GLT1D1: variants seen among roughly 807,000 people sequenced by gnomAD.
GLT1D1 encodes the protein glycosyltransferase 1 domain-containing protein 1.
In GLT1D1, 21 loss-of-function variants were observed where a neutral mutation model predicts 28.7. The observed-to-expected ratio is 0.73, with a 90% CI of 0.52 to 1.05. GLT1D1 has a LOEUF of 1.05. Among genes scored for constraint, GLT1D1 ranks in the 50% least tolerant of loss-of-function variants. The pLI is 0.00. For missense variants in GLT1D1, 343 were observed against 330.6 expected (o/e 1.04, Z -0.29); for synonymous variants, 147 against 124.8 (o/e 1.18, Z -1.19).
At chr12:128,906,955 G>A in intron 4 of GLT1D1, 1 of 702,570 alleles carries the variant, frequency 1.4e-6, no homozygotes, top group Non-Finnish European at 2.6e-6. Context: ...TCCTGTACAG[G>A]TGAGCTCCAC....
intron 4 of GLT1D1, among the ~76,000 whole-genome samples, chr12:128,921,036 G>A (rs1872614686): frequency 6.6e-6 from 1 of 152,158 alleles, no homozygotes; most frequent in South Asian, 2.1e-4. Context: ...AGCCCGAAGT[G>A]TAATTCATCA....
At chr12:128,942,566 G>T (rs1875411385) in intron 4 of GLT1D1, among the ~76,000 whole-genome samples, 1 of 151,836 alleles carries the variant, frequency 6.6e-6, no homozygotes, top group Non-Finnish European at 1.5e-5. Context: ...TTGTACGAGG[G>T]CTTGTTTCAT....
At chr12:128,973,608 G>A (rs1018266445) in intron 7 of GLT1D1, among the ~76,000 whole-genome samples, 23 of 151,838 alleles carry the variant, frequency 1.5e-4, no homozygotes, top group African/African-American at 3.4e-4. Context: ...CCGCCAAGCC[G>A]TCACACAAGC....
intron 2 of GLT1D1, among the ~76,000 whole-genome samples, chr12:128,888,089 T>C (rs1354423734): frequency 6.6e-6 from 1 of 152,234 alleles, no homozygotes; most frequent in African/African-American, 2.4e-5. Context: ...TTTCCCACTT[T>C]ATGCGCTCAG....
intron 4 of GLT1D1, among the ~76,000 whole-genome samples, chr12:128,942,019 T>TGG (rs1875346252): frequency 6.6e-6 from 1 of 151,622 alleles, no homozygotes; most frequent in Admixed American, 6.6e-5. Flanking sequence ...AGTCTGGCTC[T>TGG]GCTGCCATTT....
chr12:128,914,928 C>T lies in GLT1D1; in HGVS notation c.375+15641C>T, dbSNP rs1349881033. On this transcript the variant is annotated intron_variant, in intron 4 of 7. Transcript: ENST00000281703. ...ACTTGCCCTTTTTTTGTTTCTTTGA[C>T]CCAGGAATTGCAACAACACCAAACG... 2 of 1,535,576 alleles carry T rather than the reference C, an allele frequency of 1.3e-6. No individual in the cohort carries two copies. The highest frequency in any genetic ancestry group is 1.4e-5 in the African/African-American group (1 of 73,012).
At chr12:128,908,552 A>C (rs1434102104) in intron 4 of GLT1D1, among the ~76,000 whole-genome samples, 1 of 108,630 alleles carries the variant, frequency 9.2e-6, no homozygotes. Context: ...TTTTTTTTTT[A>C]ATTGTTCTCC....
At chr12:128,871,079 C>T (rs999628469) in intron 1 of GLT1D1, among the ~76,000 whole-genome samples, 4 of 152,124 alleles carry the variant, frequency 2.6e-5, no homozygotes, top group South Asian at 4.2e-4. Context: ...TCTGCTGTAT[C>T]GATTCTGCAT....
At chr12:128,924,007 C>A (rs533884295) in intron 4 of GLT1D1, among the ~76,000 whole-genome samples, 1 of 152,076 alleles carries the variant, frequency 6.6e-6, no homozygotes, top group South Asian at 2.1e-4. Flanking sequence ...TTTGGCCCTG[C>A]GAGGGCTGCT....
intron 4 of GLT1D1, among the ~76,000 whole-genome samples, chr12:128,932,495 T>A (rs1006836810): frequency 6.6e-6 from 1 of 152,186 alleles, no homozygotes; most frequent in Non-Finnish European, 1.5e-5. Context: ...GTTTTTTAAA[T>A]TCGTCGCCAT....
At chr12:128,943,937 A>G (rs1400874765) in intron 4 of GLT1D1, among the ~76,000 whole-genome samples, 2 of 152,210 alleles carry the variant, frequency 1.3e-5, no homozygotes, top group African/African-American at 4.8e-5. Context: ...GAAAATACGG[A>G]AGCTTTATCA....
rs1880508685 is a variant in GLT1D1, at chr12:128,983,259, T to C, written c.*169T>C. 1.6e-6 allele frequency: 1 copy of C among 612,106 alleles called. No individual in the cohort carries two copies. The highest frequency in any genetic ancestry group is 2.8e-5 in the East Asian group (1 of 35,954). 37.9% of individuals were successfully genotyped at this position (612,106 alleles called of 1,614,324 possible). ...CCAGAGCCACTGCATTCATCCCATA[T>C]CCTTCTGTGCGTTCAGATGCTGTCC... On this transcript the variant is annotated 3_prime_UTR_variant, in exon 8 of 8. Transcript: ENST00000281703. This position sits in a 1 kb window ranked among gnomAD's most constrained non-coding sequence, Gnocchi z 4.7.
At chr12:128,946,635 C>CTT (rs61498838) in intron 5 of GLT1D1, among the ~76,000 whole-genome samples, 19 of 64,226 alleles carry the variant, frequency 3.0e-4, no homozygotes, top group African/African-American at 4.4e-4. Flanking sequence ...GCCCGGCCTC[C>CTT]TTTTTTTTTT....
chr12:128,975,320 A>G (rs956869501), intron 7 of GLT1D1, among the ~76,000 whole-genome samples: 48 of 151,740 alleles, frequency 3.2e-4, no homozygotes, highest in African/African-American at 1.1e-3. Context: ...CCACCCTACC[A>G]CCTTGTCCTC....
intron 1 of GLT1D1, among the ~76,000 whole-genome samples, chr12:128,871,351 A>G (rs1207919407): frequency 6.6e-6 from 1 of 152,160 alleles, no homozygotes; most frequent in Non-Finnish European, 1.5e-5. Context: ...AGCATTTCCA[A>G]AGGATACTAG....
intron 1 of GLT1D1, among the ~76,000 whole-genome samples, chr12:128,866,673 T>C (rs916582619): frequency 1.3e-5 from 2 of 149,064 alleles, no homozygotes; most frequent in Non-Finnish European, 3.0e-5. Context: ...CAGGCTGGAG[T>C]ATAGTGGCAC....
chr12:128,956,171 A>AAAAAAAAAAAAAAAAC (rs374597920), intron 6 of GLT1D1, among the ~76,000 whole-genome samples: 1 of 63,942 alleles, frequency 1.6e-5, no homozygotes, highest in Non-Finnish European at 3.5e-5. Context: ...AAAAAAAAAA[A>AAAAAAAAAAAAAAAAC]AGAGAAAGAG....
intron 1 of GLT1D1, among the ~76,000 whole-genome samples, chr12:128,855,243 ACAACAAC>A (rs1566074594): frequency 8.5e-6 from 1 of 118,100 alleles, no homozygotes; most frequent in Non-Finnish European, 1.8e-5. Context: ...AAAAAAAAAA[ACAACAAC>A]AACAACAAAA....
At chr12:128,918,408 C>A (rs981102054) in intron 4 of GLT1D1, among the ~76,000 whole-genome samples, 1 of 152,140 alleles carries the variant, frequency 6.6e-6, no homozygotes, top group Non-Finnish European at 1.5e-5. Flanking sequence ...TGCAGCAAAC[C>A]ACCATGGCAC....
Sources: gnomAD v4.1 joint callset for allele counts (sites outside exome capture counted in the v4.1 genomes callset) on GRCh38, gnomAD v4.1.1 for gene constraint, Gnocchi (gnomAD v3.1) non-coding constraint, MANE v1.5 for transcripts, NCBI Gene and HGNC (gene_info 2026-07-23, HGNC 2026-07-21) for gene names.